Variants in LNX2 observed in about 807,000 individuals in gnomAD.
LNX2 encodes the protein ligand of Numb protein X 2.
Under a neutral mutation model 66.2 loss-of-function variants are expected in LNX2, and 35 were observed. The ratio of observed to expected loss-of-function variants is 0.53; its 90% confidence interval spans 0.40 to 0.70. The LOEUF (loss-of-function observed/expected upper bound fraction) is 0.70, where lower values mean the gene tolerates loss of function less well. LNX2 is among the 30% of genes least tolerant of loss of function. The probability of loss-of-function intolerance (pLI) is 0.00; values close to 1 mark genes in which losing one functional copy is unlikely to be tolerated. For synonymous variants in LNX2, 337 were observed against 315.6 expected (o/e 1.07, Z -0.72); for missense variants, 791 against 850.8 (o/e 0.93, Z 0.87).
chr13:27,547,055 G>A lies in LNX2; in HGVS notation c.*1280C>T, dbSNP rs540051376. On this transcript the variant is annotated 3_prime_UTR_variant, in exon 10 of 10. Transcript: ENST00000316334. ...ATAAGAAATAATGGGAAAAATAATT[G>A]TTTCTAAAATACACAAGAAATACTC... The A allele has an allele frequency of 2.0e-4, 31 of 152,090 alleles. No individual in the cohort carries two copies. Among genetic ancestry groups the A allele is most frequent in the African/African-American group, 7.2e-4 (30 of 41,494 alleles). 9.4% of individuals were successfully genotyped at this position (152,090 alleles called of 1,614,324 possible). A position where few individuals can be genotyped will look rare whatever the true frequency, so the allele number is the denominator to read the frequency against.
intron 7 of LNX2, 82 bp downstream of exon 7, chr13:27,556,154 T>C (rs1445619483): frequency 6.4e-5 from 84 of 1,322,756 alleles, no homozygotes; most frequent in Non-Finnish European, 8.2e-5. Context: ...TAATAGATAC[T>C]TTGTAGATAT....
At chr13:27,593,564 T>G (rs74040817) in intron 1 of LNX2, among the ~76,000 whole-genome samples, 282 of 85,680 alleles carry the variant, frequency 3.3e-3, no homozygotes, top group African/African-American at 9.6e-3. Context: ...TGGCTGAAAC[T>G]TTTTTTTTTT....
At position 27,559,981 on chromosome 13, in the gene LNX2, C is replaced by T. The variant is rs1447902170; in HGVS notation, c.1229G>A (p.Ser410Asn). The change falls in exon 6 of 10, where the codon AGT becomes AAT. Residue 410 changes from serine (S) to asparagine (N), a missense_variant. Physicochemically the swap from Ser to Asn is conservative, Grantham distance 46 (BLOSUM62 1). Transcript: ENST00000316334. ...PELAAQIIQA[S>N]GERVNLTIAR... is the part of the protein sequence containing the mutation. ...AATTGTTAAATTCACTCTCTCTCCACTGGCCTGGAGAAAACACAAATACAT... is the reference window on the plus strand; with the variant it reads ...AATTGTTAAATTCACTCTCTCTCCATTGGCCTGGAGAAAACACAAATACAT... 1.2e-6 allele frequency: 2 copies of T among 1,603,312 alleles called. No individual in the cohort carries two copies. Among genetic ancestry groups the T allele is most frequent in the Admixed American group, 1.7e-5 (1 of 58,260 alleles).
chr13:27,593,719 C>G (rs1309862018), intron 1 of LNX2, among the ~76,000 whole-genome samples: 2 of 150,882 alleles, frequency 1.3e-5, no homozygotes, highest in Non-Finnish European at 3.0e-5. Flanking sequence ...AGGCGCCCAC[C>G]ACCACGCCTG....
rs148483311 is a variant in LNX2 at position 27,581,395 on chromosome 13, A to T, written c.309T>A (p.Val103=). ...FKLCKKSSIL[V]HKLLDKLLVL... ...CTAATAATTTGTCTAGGAGTTTATGAACTAGAATACTAGACTTCTTGCACA... is the reference window on the plus strand; with the variant it reads ...CTAATAATTTGTCTAGGAGTTTATGTACTAGAATACTAGACTTCTTGCACA... The change falls in exon 2 of 10, where the codon GTT becomes GTA. Residue 103 remains valine (V), a synonymous_variant. Coordinates refer to ENST00000316334, the MANE Select transcript of LNX2 (RefSeq NM_153371.4). 40 of 1,601,224 alleles carry T rather than the reference A, an allele frequency of 2.5e-5. No individual in the cohort carries two copies. Among genetic ancestry groups the T allele is most frequent in the Admixed American group, 1.2e-4 (7 of 59,010 alleles).
At chr13:27,615,012 C>T (rs1385405512) in intron 1 of LNX2, among the ~76,000 whole-genome samples, 3 of 152,088 alleles carry the variant, frequency 2.0e-5, no homozygotes, top group Admixed American at 6.5e-5. Flanking sequence ...GGGCTCCCCC[C>T]GACACCCCAG....
intron 1 of LNX2, among the ~76,000 whole-genome samples, chr13:27,588,467 T>C (rs1390699775): frequency 6.6e-6 from 1 of 152,118 alleles, no homozygotes; most frequent in Non-Finnish European, 1.5e-5. Flanking sequence ...ATTCTTGAAA[T>C]GACAAAATTA....
At chr13:27,613,187 C>T (rs1198144552) in intron 1 of LNX2, among the ~76,000 whole-genome samples, 4 of 152,072 alleles carry the variant, frequency 2.6e-5, no homozygotes, top group Non-Finnish European at 4.4e-5. Context: ...GGCAAAGGTG[C>T]CAGTGGGAAG....
intron 2 of LNX2, 68 bp from the exon 3 acceptor site, chr13:27,569,344 G>A (rs1955248854): frequency 2.6e-6 from 4 of 1,524,188 alleles, no homozygotes; most frequent in Admixed American, 1.9e-5. Context: ...AATAGGGAGG[G>A]GGACTAATAG....
chr13:27,619,001 A>C (rs571779881), intron 1 of LNX2, among the ~76,000 whole-genome samples: 11 of 152,374 alleles, frequency 7.2e-5, no homozygotes, highest in Admixed American at 3.9e-4. Context: ...AAAACTGGGC[A>C]AGAAGCAACC....
rs559218535 is a variant in LNX2, at chr13:27,567,295, A to T, written c.855+345T>A. 3.9e-5 allele frequency among the ~76,000 whole-genome samples: 6 copies of T among 152,232 alleles called. No homozygotes were observed. In the East Asian group the frequency reaches 1.2e-3, roughly 29 times the overall value. On this transcript the variant is annotated intron_variant, in intron 4 of 9. Coordinates refer to ENST00000316334, the MANE Select transcript of LNX2 (RefSeq NM_153371.4). ...CTGGGTATAAAATAATACCAATGAG[A>T]TGATAATTTCAACATGGATGAAGGT... is the stretch of plus-strand genomic sequence containing the variant.
At chr13:27,572,973 A>G (rs1955300940) in intron 2 of LNX2, among the ~76,000 whole-genome samples, 1 of 152,206 alleles carries the variant, frequency 6.6e-6, no homozygotes, top group African/African-American at 2.4e-5. Flanking sequence ...GAATATCTGA[A>G]AAGTCTCTCC....
At chr13:27,554,680 A>C (rs556503852) in intron 7 of LNX2, among the ~76,000 whole-genome samples, 3 of 152,208 alleles carry the variant, frequency 2.0e-5, no homozygotes, top group Admixed American at 6.5e-5. Context: ...ATTGTGAATA[A>C]TGCTGCTATG....
rs541456054 is a variant in LNX2, at chr13:27,581,283, T to C, written c.407+14A>G. On this transcript the variant is annotated intron_variant, in intron 2 of 9. Transcript: ENST00000316334. The stretch of plus-strand genomic sequence containing the variant: ...CCAAAATCTGGAGTTACTTCTTTTA[T>C]ATTTTTTGCTTACCTGTTTTTGAGA... 70 of 1,465,020 alleles carry C rather than the reference T, an allele frequency of 4.8e-5. No individual in the cohort carries two copies. In the South Asian group the frequency reaches 1.0e-3, roughly 21 times the overall value. The allele number at this position is 1,465,020 out of a possible 1,614,324, so 90.8% of individuals were successfully genotyped here.
In LNX2 at chr13:27,567,698, T is replaced by G. The variant is rs375824967; in HGVS notation, c.797A>C (p.Tyr266Ser). The G allele has an allele frequency of 6.2e-7, 1 of 1,613,836 alleles. No homozygotes were observed. The highest frequency in any genetic ancestry group is 8.5e-7 in the Non-Finnish European group (1 of 1,179,908). Residue 266 changes from tyrosine (Y) to serine (S), a missense_variant, in exon 4 of 10, where the codon TAT (tyrosine) becomes TCT (serine). Transcript: ENST00000316334. ...GTCTCTGGCAATGACCCCATCCCGA[T>G]AGACCTCCTGGATGACAATGTTAAT... is the stretch of plus-strand genomic sequence containing the variant. ...PLINIVIQEVYRDGVIARDGR... is the reference protein window; with the variant it reads ...PLINIVIQEVSRDGVIARDGR...
intron 5 of LNX2, among the ~76,000 whole-genome samples, chr13:27,561,479 G>C (rs1320275316): frequency 2.0e-5 from 3 of 152,118 alleles, no homozygotes; most frequent in Admixed American, 2.0e-4. Context: ...TGTTGCCTTT[G>C]ATTTGAGGAA....
intron 8 of LNX2, among the ~76,000 whole-genome samples, chr13:27,552,712 G>T (rs897225900): frequency 1.3e-5 from 2 of 152,170 alleles, no homozygotes; most frequent in African/African-American, 4.8e-5. Context: ...TAAAAGTGAA[G>T]CAGCCATTCT....
intron 1 of LNX2, among the ~76,000 whole-genome samples, chr13:27,601,957 A>G (rs1955662098): frequency 1.3e-5 from 2 of 152,192 alleles, no homozygotes; most frequent in African/African-American, 4.8e-5. Context: ...ATTTAACTAT[A>G]TGTGCTTTGT....
At position 27,581,465 on chromosome 13, in the gene LNX2, T is replaced by C. The variant is rs1249890583; in HGVS notation, c.239A>G (p.Glu80Gly). ...CYKCLRNFLQEKDFCPLDRKR... is the reference protein window; with the variant it reads ...CYKCLRNFLQGKDFCPLDRKR... ...CCGGTCCAACGGACAGAAATCTTTCTCTTGTAAAAAGTTTCTGAGGCACTT... is the reference window on the plus strand; with the variant it reads ...CCGGTCCAACGGACAGAAATCTTTCCCTTGTAAAAAGTTTCTGAGGCACTT... The change falls in exon 2 of 10, where the codon GAG (glutamate) becomes GGG (glycine). Residue 80 changes from glutamate (E) to glycine (G), a missense_variant. Transcript: ENST00000316334. 3.1e-6 allele frequency: 5 copies of C among 1,611,164 alleles called. No homozygotes were observed. Among genetic ancestry groups the C allele is most frequent in the Non-Finnish European group, 4.2e-6 (5 of 1,177,758 alleles).
Sources: allele counts gnomAD v4.1 joint callset (sites outside exome capture counted in the v4.1 genomes callset), GRCh38; gene constraint gnomAD v4.1.1; transcripts MANE v1.5; gene names NCBI Gene and HGNC (gene_info 2026-07-23, HGNC 2026-07-21).